The following POLR2F variants were observed in gnomAD, a reference collection of about 807,000 sequenced individuals.
The protein encoded by POLR2F is RNA polymerase II, I and III subunit F.
POLR2F carries 12 observed loss-of-function variants against 22.7 expected under a neutral mutation model. The ratio of observed to expected loss-of-function variants is 0.53; its 90% confidence interval spans 0.34 to 0.86. POLR2F has a LOEUF of 0.86. Ranked by LOEUF, POLR2F falls within the 40% of genes least tolerant of loss-of-function variation. The pLI, the probability that POLR2F is intolerant of heterozygous loss-of-function variation, is 0.02. For synonymous variants in POLR2F, 57 were observed against 66.0 expected, an observed-to-expected ratio of 0.86 and a Z score of 0.66; for missense variants, 126 against 171.5, an observed-to-expected ratio of 0.73 and a Z score of 1.48.
chr22:38,014,353 T>A (rs1437867031), intron 1 of POLR2F, among the ~76,000 whole-genome samples: 1 of 151,058 alleles, frequency 6.6e-6, no homozygotes, highest in Non-Finnish European at 1.5e-5. Flanking sequence ...TTATTTTTTT[T>A]ATTTTTTTTT....
chr22:37,998,762 T>C (rs531895671), intron 1 of POLR2F, among the ~76,000 whole-genome samples: 2 of 151,424 alleles, frequency 1.3e-5, no homozygotes, highest in South Asian at 4.2e-4. Flanking sequence ...TGGGAATTAA[T>C]AGCAAAGAGT....
At chr22:38,039,575 C>T (rs1378998482) in intron 5 of POLR2F, among the ~76,000 whole-genome samples, 1 of 152,162 alleles carries the variant, frequency 6.6e-6, no homozygotes, top group Non-Finnish European at 1.5e-5. Flanking sequence ...GGGCAGTTCA[C>T]CCAGGCCCAG....
downstream of POLR2F, chr22:37,971,437 A>C: frequency 2.5e-6 from 1 of 395,850 alleles, no homozygotes; most frequent in South Asian, 1.9e-5. Context: ...CAACCATCGG[A>C]GTTGTTCATC....
intron 1 of POLR2F, among the ~76,000 whole-genome samples, chr22:37,991,007 C>T (rs1027940050): frequency 7.2e-5 from 11 of 152,298 alleles, no homozygotes; most frequent in Admixed American, 3.9e-4. Context: ...AAGGGTGGGA[C>T]GTGGTGGTTC....
chr22:38,009,195 A>G (rs2084850656), intron 1 of POLR2F, among the ~76,000 whole-genome samples: 1 of 152,236 alleles, frequency 6.6e-6, no homozygotes, highest in African/African-American at 2.4e-5. Flanking sequence ...TCGAGGGACC[A>G]CCAGATGGTC....
At position 37,968,868 on chromosome 22, in the gene POLR2F, G is replaced by C. The variant is rs1931959070; in HGVS notation, c.*1153G>C. 1.0e-6 allele frequency: 1 copy of C among 985,416 alleles called. No individual in the cohort carries two copies. Among genetic ancestry groups the C allele is most frequent in the Admixed American group, 6.1e-5 (1 of 16,272 alleles). 61.0% of individuals were successfully genotyped at this position (985,416 alleles called of 1,614,324 possible). On this transcript the variant is annotated 3_prime_UTR_variant, in exon 5 of 5. Transcript: ENST00000442738. ...GAATGGTGAGGATCTGCATTGGTGG[G>C]AGGGGTGTCCGCTGCCCTGGAGAAG... is the stretch of plus-strand genomic sequence containing the variant.
chr22:37,977,421 C>T (rs913145814), intron 4 of POLR2F, among the ~76,000 whole-genome samples: 1 of 151,622 alleles, frequency 6.6e-6, no homozygotes, highest in African/African-American at 2.4e-5. Flanking sequence ...CCTGGGTTCA[C>T]GCCATCCTCC....
intron 3 of POLR2F, among the ~76,000 whole-genome samples, chr22:37,960,718 A>G (rs1345098830): frequency 6.7e-6 from 1 of 149,930 alleles, no homozygotes; most frequent in Non-Finnish European, 1.5e-5. Context: ...TATTTTTAGT[A>G]GAGACGGGGT....
At chr22:38,038,425 G>A (rs1052629241) in intron 5 of POLR2F, among the ~76,000 whole-genome samples, 6 of 152,170 alleles carry the variant, frequency 3.9e-5, no homozygotes, top group African/African-American at 7.2e-5. Flanking sequence ...GTCACAGGGC[G>A]GCTGGGGTTT....
rs139306969 is a variant in POLR2F, at chr22:38,025,241, T to TCA, written c.121-615_121-614dup. On this transcript the variant is annotated intron_variant, in intron 1 of 2. Coordinates refer to the POLR2F transcript ENST00000333418. ...CGGTGACACATGTGCACTCACTTGC[T>TCA]CACACACACACACAGGCACTCATGT... Among the ~76,000 whole-genome samples, 515 of 151,664 alleles carry TCA rather than the reference T, an allele frequency of 3.4e-3. 5 individuals are homozygous for TCA. Among genetic ancestry groups the TCA allele is most frequent in the African/African-American group, 0.012 (496 of 41,310 alleles).
chr22:37,987,192 G>C (rs559185029), intron 1 of POLR2F: 56 of 456,592 alleles, frequency 1.2e-4, no homozygotes, highest in Middle Eastern at 9.8e-4. Flanking sequence ...TGCGGTCTGA[G>C]TGTAATGGTG....
downstream of POLR2F, among the ~76,000 whole-genome samples, chr22:38,030,750 G>A (rs1020927395): frequency 2.6e-5 from 4 of 152,216 alleles, no homozygotes; most frequent in South Asian, 6.2e-4. Context: ...GGTCACTCCC[G>A]GGATAAGAAG....
chr22:38,038,836 C>T (rs2085142600), intron 5 of POLR2F, among the ~76,000 whole-genome samples: 1 of 151,536 alleles, frequency 6.6e-6, no homozygotes, highest in Non-Finnish European at 1.5e-5. Flanking sequence ...CCGTGGCGGC[C>T]GCGGCGCCCT....
rs561640108 is a variant in POLR2F at position 38,031,758 on chromosome 22, G to A, written c.453-9310G>A. ...AACCCGCGTCACCATGCTGCCCCCAGACCAACCCCTCCCCGCTTCCCTGCC... is the reference window on the plus strand; with the variant it reads ...AACCCGCGTCACCATGCTGCCCCCAAACCAACCCCTCCCCGCTTCCCTGCC... On this transcript the variant is annotated intron_variant, in intron 5 of 5. Transcript: ENST00000407936. This position sits in a 1 kb window ranked among gnomAD's most constrained non-coding sequence, Gnocchi z 4.1. Among the ~76,000 whole-genome samples, 5 of 152,156 alleles carry A rather than the reference G, an allele frequency of 3.3e-5. No individual in the cohort carries two copies. In the East Asian group the frequency reaches 5.8e-4, roughly 18 times the overall value.
chr22:38,038,731 C>T (rs1957030290), intron 5 of POLR2F, among the ~76,000 whole-genome samples: 1 of 151,964 alleles, frequency 6.6e-6, no homozygotes, highest in African/African-American at 2.4e-5. Flanking sequence ...CTTTTGTTCC[C>T]CTCCCTGCCC....
At chr22:37,970,086 G>A (rs939194931), downstream of POLR2F, among the ~76,000 whole-genome samples, 6 of 152,054 alleles carry the variant, frequency 3.9e-5, no homozygotes, top group African/African-American at 1.4e-4. Context: ...GAGGTCAGGA[G>A]ATCAAGACCA....
At chr22:38,024,266 G>T (rs778267147) in intron 1 of POLR2F, among the ~76,000 whole-genome samples, 1 of 152,126 alleles carries the variant, frequency 6.6e-6, no homozygotes, top group Non-Finnish European at 1.5e-5. Context: ...ATCTTGTGGC[G>T]TGTGTCAGAA....
intron 1 of POLR2F, among the ~76,000 whole-genome samples, chr22:38,014,165 G>A (rs2084896238): frequency 6.7e-6 from 1 of 149,416 alleles, no homozygotes; most frequent in South Asian, 2.1e-4. Context: ...TAATTGACTT[G>A]TATTCACCTT....
At chr22:38,001,235 C>G (rs1287150515) in intron 1 of POLR2F, among the ~76,000 whole-genome samples, 2 of 152,164 alleles carry the variant, frequency 1.3e-5, no homozygotes, top group Non-Finnish European at 2.9e-5. Flanking sequence ...TGAGTTGTTG[C>G]AAGGCTCAAG....
Sources: gnomAD v4.1 joint callset for allele counts (sites outside exome capture counted in the v4.1 genomes callset) on GRCh38, gnomAD v4.1.1 for gene constraint, Gnocchi (gnomAD v3.1) non-coding constraint, MANE v1.5 for transcripts, NCBI Gene and HGNC (gene_info 2026-07-23, HGNC 2026-07-21) for gene names.